Variants in ST6GAL2 observed in about 807,000 individuals in gnomAD.
ST6GAL2 encodes the protein beta-galactoside alpha-2,6-sialyltransferase 2.
In ST6GAL2, 24 loss-of-function variants were observed where a neutral mutation model predicts 37.5. The observed-to-expected ratio is 0.64, with a 90% confidence interval of 0.46 to 0.90. ST6GAL2 has a LOEUF of 0.90. Among genes scored for constraint, ST6GAL2 ranks in the 40% least tolerant of loss-of-function variants. The probability of loss-of-function intolerance (pLI) is 0.00; values close to 1 mark genes in which losing one functional copy is unlikely to be tolerated. For synonymous variants in ST6GAL2, 306 were observed against 295.1 expected, an observed-to-expected ratio of 1.04 and a Z score of -0.38; for missense variants, 715 against 712.7, an observed-to-expected ratio of 1.00 and a Z score of -0.04.
rs1482555209 is a variant in ST6GAL2, at chr2:106,802,895, GT to G, written c.*3782del. Reference sequence around the variant, plus strand: ...AAGTAACTGACCACATGTACTGTGTGTTGATCTATAAGAAAAACTGGAGAGA... The same window carrying G: ...AAGTAACTGACCACATGTACTGTGTGTGATCTATAAGAAAAACTGGAGAGA... On this transcript the variant is annotated 3_prime_UTR_variant, in exon 6 of 6. Coordinates refer to ENST00000409382, the MANE Select transcript of ST6GAL2 (RefSeq NM_001142351.2). The G allele has an allele frequency of 6.6e-6, 1 of 152,162 alleles. No individual in the cohort carries two copies. The highest frequency in any genetic ancestry group is 1.5e-5 in the Non-Finnish European group (1 of 68,044). 9.4% of individuals were successfully genotyped at this position (152,162 alleles called of 1,614,324 possible).
In ST6GAL2 at chr2:106,883,575, CA is replaced by C. The variant is rs567645179; in HGVS notation, c.-58+2517del. On this transcript the variant is annotated intron_variant, in intron 1 of 5. Coordinates refer to ENST00000409382, the MANE Select transcript of ST6GAL2 (RefSeq NM_001142351.2). ...TTATAGTCATTTGGGAATTTCATCCCATTTTTTTTAAGGGATGAGATTTCAG... is the reference window on the plus strand; with the variant it reads ...TTATAGTCATTTGGGAATTTCATCCCTTTTTTTTAAGGGATGAGATTTCAG... 6.1e-3 allele frequency among the ~76,000 whole-genome samples: 931 copies of C among 152,152 alleles called. 8 individuals are homozygous for C. The highest frequency in any genetic ancestry group is 0.022 in the African/African-American group (905 of 41,504).
chr2:106,832,817 T>C (rs578006631), intron 3 of ST6GAL2, 151 bp from the exon 4 acceptor site: 129 of 672,010 alleles, frequency 1.9e-4, no homozygotes, highest in Non-Finnish European at 3.0e-4. Context: ...GAGGCAGGCG[T>C]TGCATGCAGA....
rs142630544 is a variant in ST6GAL2, at chr2:106,878,531, G to A, written c.-58+7562C>T. Among the ~76,000 whole-genome samples, 858 of 152,242 alleles carry A rather than the reference G, an allele frequency of 5.6e-3. 7 individuals are homozygous for A. The highest frequency in any genetic ancestry group is 0.02 in the African/African-American group (810 of 41,526). On this transcript the variant is annotated intron_variant, in intron 1 of 5. Coordinates refer to ENST00000409382, the MANE Select transcript of ST6GAL2 (RefSeq NM_001142351.2). ...AATCCCAACATTTTTGGAGGCCAAGGTAGGAGGATCACTTGAGTCCAGGAA... is the reference window on the plus strand; with the variant it reads ...AATCCCAACATTTTTGGAGGCCAAGATAGGAGGATCACTTGAGTCCAGGAA...
intron 2 of ST6GAL2, among the ~76,000 whole-genome samples, chr2:106,839,722 C>A (rs1428681893): frequency 6.6e-6 from 1 of 152,164 alleles, no homozygotes; most frequent in African/African-American, 2.4e-5. Context: ...TGGTTTCCCA[C>A]ATGAAGGCTA....
At chr2:106,861,176 T>A (rs538974597) in intron 1 of ST6GAL2, among the ~76,000 whole-genome samples, 3 of 152,308 alleles carry the variant, frequency 2.0e-5, no homozygotes, top group Admixed American at 6.5e-5. Context: ...AAACACCATC[T>A]AAAAATTGTG....
chr2:106,846,087 G>A (rs997337700), intron 1 of ST6GAL2, among the ~76,000 whole-genome samples: 5 of 152,040 alleles, frequency 3.3e-5, no homozygotes, highest in African/African-American at 7.3e-5. Context: ...AATGTGAAGC[G>A]CGAAGAAGTC....
intron 1 of ST6GAL2, among the ~76,000 whole-genome samples, chr2:106,847,497 T>A (rs974372630): frequency 3.3e-5 from 5 of 152,214 alleles, no homozygotes; most frequent in African/African-American, 1.2e-4. Context: ...GGAGTTAGTG[T>A]AGACCCCATG....
intron 5 of ST6GAL2, among the ~76,000 whole-genome samples, chr2:106,817,653 G>A (rs1211468190): frequency 1.3e-5 from 2 of 152,186 alleles, no homozygotes; most frequent in African/African-American, 4.8e-5. Context: ...CCCAGTGGTG[G>A]TGGCTACAGG....
intron 3 of ST6GAL2, among the ~76,000 whole-genome samples, chr2:106,833,769 T>C (rs1379307457): frequency 2.0e-5 from 3 of 152,198 alleles, no homozygotes; most frequent in Admixed American, 2.0e-4. Context: ...AAATGCAACA[T>C]GCTAAGTCTA....
At chr2:106,812,885 A>C (rs1053586150) in intron 5 of ST6GAL2, among the ~76,000 whole-genome samples, 4 of 152,260 alleles carry the variant, frequency 2.6e-5, no homozygotes, top group African/African-American at 9.6e-5. Context: ...GCTTTTAAAA[A>C]GCATTTAAGA....
chr2:106,824,052 A>G (rs1676110182), intron 5 of ST6GAL2, among the ~76,000 whole-genome samples: 1 of 152,198 alleles, frequency 6.6e-6, no homozygotes, highest in Non-Finnish European at 1.5e-5. Context: ...CCCAAATGTT[A>G]GTGAGAGAAT....
intron 2 of ST6GAL2, among the ~76,000 whole-genome samples, chr2:106,836,598 C>T (rs1573243822): frequency 6.7e-6 from 1 of 150,196 alleles, no homozygotes; most frequent in South Asian, 2.1e-4. Context: ...ATATGTTAGT[C>T]AGACATTCCA....
chr2:106,878,145 C>T (rs557071610), intron 1 of ST6GAL2, among the ~76,000 whole-genome samples: 16 of 152,306 alleles, frequency 1.1e-4, no homozygotes, highest in South Asian at 2.1e-4. Flanking sequence ...CAAATAAATA[C>T]GAATACAACA....
intron 1 of ST6GAL2, among the ~76,000 whole-genome samples, chr2:106,868,214 G>A (rs1470207379): frequency 6.6e-6 from 1 of 152,172 alleles, no homozygotes; most frequent in Non-Finnish European, 1.5e-5. Context: ...CTTTACAGGG[G>A]AAGGAACGGA....
intron 4 of ST6GAL2, 67 bp downstream of exon 4, chr2:106,832,498 T>A (rs1041411790): frequency 4.9e-6 from 4 of 814,610 alleles, no homozygotes; most frequent in African/African-American, 3.5e-5. Context: ...CTTGCCTTGC[T>A]CTTATGATTA....
In ST6GAL2 at chr2:106,884,934, T is replaced by TATATATATACAC. The variant is rs1425070594; in HGVS notation, c.-58+1158_-58+1159insGTGTATATATAT. On this transcript the variant is annotated intron_variant, in intron 1 of 5. Transcript: ENST00000409382. ...ATATATATATATATATATATATATA[T>TATATATATACAC]ACATACACACACACACATATATACA... Among the ~76,000 whole-genome samples the TATATATATACAC allele has an allele frequency of 8.5e-3, 1,020 of 120,358 alleles. 30 individuals carry two copies. Among genetic ancestry groups the TATATATATACAC allele is most frequent in the African/African-American group, 0.031 (859 of 28,082 alleles). 79.0% of individuals were successfully genotyped at this position (120,358 alleles called of 152,430 possible). A position where few individuals can be genotyped will look rare whatever the true frequency, so the allele number is the denominator to read the frequency against.
At chr2:106,808,222 T>C (rs891589548) in intron 5 of ST6GAL2, among the ~76,000 whole-genome samples, 4 of 152,014 alleles carry the variant, frequency 2.6e-5, no homozygotes, top group African/African-American at 9.7e-5. Context: ...TGCTGAGGGG[T>C]TCCAGAAAGG....
intron 5 of ST6GAL2, among the ~76,000 whole-genome samples, chr2:106,819,440 G>A (rs1464388187): frequency 2.6e-5 from 4 of 152,044 alleles, no homozygotes; most frequent in Admixed American, 6.5e-5. Flanking sequence ...GGCCAGGAGA[G>A]AGTGGCATGA....
intron 2 of ST6GAL2, among the ~76,000 whole-genome samples, chr2:106,838,842 C>G (rs1676751374): frequency 6.6e-6 from 1 of 152,082 alleles, no homozygotes; most frequent in South Asian, 2.1e-4. Flanking sequence ...TCAAGACCAG[C>G]CTGGCCAACA....
Sources: gnomAD v4.1 joint callset for allele counts (sites outside exome capture counted in the v4.1 genomes callset) on GRCh38, gnomAD v4.1.1 for gene constraint, MANE v1.5 for transcripts, NCBI Gene and HGNC (gene_info 2026-07-23, HGNC 2026-07-21) for gene names.